The following DHX57 variants were observed in gnomAD, a reference collection of about 807,000 sequenced individuals.
The protein encoded by DHX57 is DExH-box helicase 57.
DHX57 carries 105 observed loss-of-function variants against 156.2 expected under a neutral mutation model. The ratio of observed to expected loss-of-function variants is 0.67; its 90% CI spans 0.57 to 0.79. The LOEUF (loss-of-function observed/expected upper bound fraction) is 0.79. Ranked by LOEUF, DHX57 falls within the 30% of genes least tolerant of loss-of-function variation. The pLI is 0.00. For missense variants in DHX57, 1,847 were observed against 1,661.9 expected, an observed-to-expected ratio of 1.11 and a Z score of -1.94; for synonymous variants, 704 against 595.6, an observed-to-expected ratio of 1.18 and a Z score of -2.65.
At chr2:38,818,828 T>C (rs1670673002) in intron 19 of DHX57, 49 bp downstream of exon 19, 1 of 1,594,066 alleles carries the variant, frequency 6.3e-7, no homozygotes, top group African/African-American at 1.3e-5. Flanking sequence ...CACCCTCTGG[T>C]GAGCTACTCT....
Position 38,868,409 on chromosome 2 carries a change from C to T in DHX57, c.-4G>A. The T allele has an allele frequency of 6.2e-7, 1 of 1,611,994 alleles. No individual in the cohort carries two copies. Among genetic ancestry groups the T allele is most frequent in the Non-Finnish European group, 8.5e-7 (1 of 1,179,866 alleles). On this transcript the variant is annotated splice_region_variant and 5_prime_UTR_variant, in exon 2 of 24. Coordinates refer to ENST00000457308, the MANE Select transcript of DHX57 (RefSeq NM_198963.3). ...TTCTTCTTACTGAAGAACTCATTTTCACCTGCAAGAGAAAAAAATTAATGT... is the reference window on the plus strand; with the variant it reads ...TTCTTCTTACTGAAGAACTCATTTTTACCTGCAAGAGAAAAAAATTAATGT...
At chr2:38,854,871 C>A in intron 8 of DHX57, 186 bp downstream of exon 8, 1 of 597,376 alleles carries the variant, frequency 1.7e-6, no homozygotes, top group East Asian at 3.3e-5. Flanking sequence ...CATAAGAGTT[C>A]TTATACCAAA....
chr2:38,873,954 T>C lies in DHX57; in HGVS notation c.-7+1833A>G, dbSNP rs149986126. ...GTCATCCCTCGGTATACACAGGGGA[T>C]TGGTTCCAGAACCCCCATGTATACC... On this transcript the variant is annotated intron_variant, in intron 1 of 23. Coordinates refer to ENST00000457308, the MANE Select transcript of DHX57 (RefSeq NM_198963.3). 3.3e-5 allele frequency among the ~76,000 whole-genome samples: 5 copies of C among 152,234 alleles called. No homozygotes were observed. The East Asian group carries it at 9.6e-4, about 29-fold the overall frequency.
At chr2:38,831,181 G>C (rs903661753) in intron 13 of DHX57, among the ~76,000 whole-genome samples, 2 of 151,836 alleles carry the variant, frequency 1.3e-5, no homozygotes, top group African/African-American at 4.8e-5. Flanking sequence ...TATATGGATT[G>C]AAAAAATTTT....
chr2:38,868,455 T>G (rs1451790397), intron 1 of DHX57, 44 bp from the exon 2 acceptor site: 2 of 1,580,006 alleles, frequency 1.3e-6, no homozygotes, highest in African/African-American at 2.7e-5. Flanking sequence ...AAACCAGACA[T>G]GTATGATAAT....
chr2:38,835,973 A>G (rs1291567598), intron 13 of DHX57, among the ~76,000 whole-genome samples: 1 of 152,216 alleles, frequency 6.6e-6, no homozygotes, highest in Non-Finnish European at 1.5e-5. Context: ...AATTAACAGA[A>G]GATGACTTGA....
chr2:38,861,585 C>T lies in DHX57; in HGVS notation c.825G>A (p.Gly275=), dbSNP rs1673213946. 6 of 1,614,194 alleles carry T rather than the reference C, an allele frequency of 3.7e-6. No homozygotes were observed. In the East Asian group the frequency reaches 1.3e-4, roughly 36 times the overall value. ...ERIQNRVWTI[G]LELEYLTSRF... ...TACTTGTCAGATACTCCAGTTCTAA[C>T]CCAATGGTCCAGACTCTGTTCTGAA... Residue 275 remains glycine, a synonymous_variant, in exon 5 of 24, where the codon GGG becomes GGA. Coordinates refer to ENST00000457308, the MANE Select transcript of DHX57 (RefSeq NM_198963.3).
intron 12 of DHX57, among the ~76,000 whole-genome samples, chr2:38,840,089 G>A (rs543263630): frequency 3.3e-5 from 5 of 152,128 alleles, no homozygotes; most frequent in Admixed American, 6.5e-5. Flanking sequence ...GGGACTATAG[G>A]TGCACACCAC....
At chr2:38,830,918 G>C (rs372716256) in intron 13 of DHX57, among the ~76,000 whole-genome samples, 1 of 151,978 alleles carries the variant, frequency 6.6e-6, no homozygotes, top group Non-Finnish European at 1.5e-5. Context: ...ACACAAGGGA[G>C]ACACCATCTC....
chr2:38,847,813 G>C (rs1170588529), intron 10 of DHX57, among the ~76,000 whole-genome samples: 4 of 152,078 alleles, frequency 2.6e-5, no homozygotes, highest in Non-Finnish European at 5.9e-5. Context: ...GCCGGGTGCA[G>C]TGGCTCACAC....
In DHX57 at chr2:38,839,281, A is replaced by G. The variant is rs561581524; in HGVS notation, c.2426-1334T>C. On this transcript the variant is annotated intron_variant, in intron 12 of 23. Coordinates refer to ENST00000457308, the MANE Select transcript of DHX57 (RefSeq NM_198963.3). ...ATATTGTTGGGGTGACTAACTCTTC[A>G]AAGACTGCTGCCCATTCTTCTCAGG... Among the ~76,000 whole-genome samples the G allele has an allele frequency of 2.0e-5, 3 of 152,024 alleles. No homozygotes were observed. The East Asian group carries it at 5.8e-4, about 29-fold the overall frequency.
intron 6 of DHX57, among the ~76,000 whole-genome samples, chr2:38,858,454 G>T (rs570087435): frequency 1.3e-5 from 2 of 152,300 alleles, no homozygotes; most frequent in Admixed American, 1.3e-4. Flanking sequence ...GCATATATGT[G>T]TGTGTTTGCT....
chr2:38,834,148 G>A (rs138448281), intron 13 of DHX57, among the ~76,000 whole-genome samples: 2,853 of 151,782 alleles, frequency 0.019, 70 homozygotes, highest in African/African-American at 0.06. Flanking sequence ...TGACCAACAC[G>A]GTGAAACTCC....
chr2:38,871,521 G>A (rs987065340), intron 1 of DHX57, among the ~76,000 whole-genome samples: 13 of 152,122 alleles, frequency 8.5e-5, no homozygotes, highest in Non-Finnish European at 1.6e-4. Context: ...TGCTATAACA[G>A]AATGCCACAG....
intron 6 of DHX57, among the ~76,000 whole-genome samples, chr2:38,857,447 A>C (rs1166496015): frequency 6.6e-6 from 1 of 152,226 alleles, no homozygotes; most frequent in Non-Finnish European, 1.5e-5. Context: ...TATTTCCTAC[A>C]TATAATTTTA....
intron 1 of DHX57, among the ~76,000 whole-genome samples, chr2:38,873,824 A>G (rs905744612): frequency 6.6e-6 from 1 of 152,056 alleles, no homozygotes; most frequent in Non-Finnish European, 1.5e-5. Flanking sequence ...GCTATCAAGG[A>G]AAAAAAACCC....
rs926247415 is a variant in DHX57, at chr2:38,859,368, C to T, written c.1412-532G>A. The stretch of plus-strand genomic sequence containing the variant: ...ACAGCAGATTTGTGGTTATGAGGGG[C>T]TGGGGGAAGGGGAAAATGAGGAGAG... On this transcript the variant is annotated intron_variant, in intron 5 of 23. Transcript: ENST00000457308. 2.6e-5 allele frequency among the ~76,000 whole-genome samples: 4 copies of T among 152,020 alleles called. No homozygotes were observed. In the East Asian group the frequency reaches 7.7e-4, roughly 29 times the overall value.
chr2:38,819,273 T>A, intron 17 of DHX57, 129 bp from the exon 18 acceptor site: 1 of 786,966 alleles, frequency 1.3e-6, no homozygotes, highest in Non-Finnish European at 2.1e-6. Flanking sequence ...CTCCCAGGCT[T>A]AAGCAATCCT....
chr2:38,814,999 G>A (rs1328498742), intron 20 of DHX57, among the ~76,000 whole-genome samples: 1 of 152,042 alleles, frequency 6.6e-6, no homozygotes, highest in African/African-American at 2.4e-5. Context: ...TGGGATTACA[G>A]GCATGAGCCA....
Sources: allele counts gnomAD v4.1 joint callset (sites outside exome capture counted in the v4.1 genomes callset), GRCh38; gene constraint gnomAD v4.1.1; transcripts MANE v1.5; gene names NCBI Gene and HGNC (gene_info 2026-07-23, HGNC 2026-07-21).